Variants in NLGN1 observed in about 807,000 individuals in gnomAD.
The protein encoded by NLGN1 is neuroligin 1.
In NLGN1, 12 loss-of-function variants were observed where a neutral mutation model predicts 65.5. The observed-to-expected ratio is 0.18, with a 90% CI of 0.12 to 0.30. The LOEUF (loss-of-function observed/expected upper bound fraction) is 0.30, where lower values mean the gene tolerates loss of function less well. NLGN1 is among the 10% of genes least tolerant of loss of function. The pLI is 1.00. For synonymous variants in NLGN1, 350 were observed against 359.5 expected, an observed-to-expected ratio of 0.97 and a Z score of 0.30; for missense variants, 750 against 1,007.1, an observed-to-expected ratio of 0.74 and a Z score of 3.46.
chr3:173,947,072 T>TC (rs1369008323), intron 4 of NLGN1, among the ~76,000 whole-genome samples: 2 of 151,374 alleles, frequency 1.3e-5, no homozygotes, highest in East Asian at 3.9e-4. Context: ...TTTTTTTTTT[T>TC]TTTTTTGAGA....
intron 3 of NLGN1, among the ~76,000 whole-genome samples, chr3:173,690,431 T>C (rs932358647): frequency 3.9e-5 from 6 of 152,156 alleles, no homozygotes; most frequent in Non-Finnish European, 7.4e-5. Context: ...AAATAAGCTG[T>C]CAGCTCTTGC....
chr3:173,452,824 C>T (rs573002247), intron 2 of NLGN1, among the ~76,000 whole-genome samples: 74 of 152,298 alleles, frequency 4.9e-4, no homozygotes, highest in African/African-American at 1.7e-3. Context: ...GTGAATAACA[C>T]AGTAAAGTGA....
At chr3:173,936,309 T>C (rs1745071567) in intron 4 of NLGN1, among the ~76,000 whole-genome samples, 1 of 152,056 alleles carries the variant, frequency 6.6e-6, no homozygotes, top group Non-Finnish European at 1.5e-5. Context: ...CCTCCTACAC[T>C]TCTTCATAAG....
chr3:173,783,613 CA>C (rs1437806962), intron 3 of NLGN1, among the ~76,000 whole-genome samples: 1 of 152,088 alleles, frequency 6.6e-6, no homozygotes, highest in African/African-American at 2.4e-5. Context: ...GTTTTTCATT[CA>C]TTTGTTTTTT....
At chr3:173,804,983 G>A (rs1264961765) in intron 3 of NLGN1, among the ~76,000 whole-genome samples, 3 of 152,100 alleles carry the variant, frequency 2.0e-5, no homozygotes, top group Admixed American at 1.3e-4. Flanking sequence ...TTGAGATCAC[G>A]CCACTGCACT....
chr3:173,749,449 T>C (rs1471718995), intron 3 of NLGN1, among the ~76,000 whole-genome samples: 5 of 152,038 alleles, frequency 3.3e-5, no homozygotes, highest in East Asian at 1.9e-4. Flanking sequence ...ATAATAAGCA[T>C]TTTTTGTTTG....
At chr3:173,588,249 A>C (rs1011690978) in intron 2 of NLGN1, among the ~76,000 whole-genome samples, 15 of 152,208 alleles carry the variant, frequency 9.9e-5, no homozygotes, top group African/African-American at 3.4e-4. Flanking sequence ...TAACCATATA[A>C]TCCTGTGGGA....
At chr3:173,881,089 CTT>C (rs928288845) in intron 4 of NLGN1, among the ~76,000 whole-genome samples, 8 of 108,224 alleles carry the variant, frequency 7.4e-5, no homozygotes, top group African/African-American at 2.2e-4. Flanking sequence ...AGGCTCCCTC[CTT>C]TTTTTTTTTT....
intron 4 of NLGN1, among the ~76,000 whole-genome samples, chr3:173,879,130 G>A (rs958249762): frequency 1.3e-5 from 2 of 152,018 alleles, no homozygotes; most frequent in Non-Finnish European, 2.9e-5. Flanking sequence ...AGTACAGGCA[G>A]CTGAGATAGG....
At chr3:174,075,536 G>T (rs980617627) in intron 4 of NLGN1, among the ~76,000 whole-genome samples, 3 of 152,162 alleles carry the variant, frequency 2.0e-5, no homozygotes, top group Non-Finnish European at 4.4e-5. Flanking sequence ...CAACCTGACA[G>T]TACGACTTGC....
chr3:173,736,198 A>G (rs768167305), intron 3 of NLGN1, among the ~76,000 whole-genome samples: 12 of 152,064 alleles, frequency 7.9e-5, no homozygotes, highest in Non-Finnish European at 1.6e-4. Flanking sequence ...AATACAGTAT[A>G]TAGAAGTGAG....
At chr3:174,127,625 CT>C (rs1344342542) in intron 4 of NLGN1, among the ~76,000 whole-genome samples, 2 of 152,176 alleles carry the variant, frequency 1.3e-5, no homozygotes, top group Non-Finnish European at 2.9e-5. Flanking sequence ...AGAAACTCCT[CT>C]CCTGTCAAGG....
chr3:174,057,176 T>G (rs762540614), intron 4 of NLGN1, among the ~76,000 whole-genome samples: 1 of 151,996 alleles, frequency 6.6e-6, no homozygotes, highest in Non-Finnish European at 1.5e-5. Flanking sequence ...TAAATTGTAA[T>G]TAGAGGAGAA....
chr3:173,582,118 T>G lies in NLGN1; in HGVS notation c.-320-22161T>G, dbSNP rs1449789077. ...AAATATCATCATCCTATAAGCATCT[T>G]TCCGCAACATCCTTTGTTGTTGTTG... On this transcript the variant is annotated intron_variant, in intron 2 of 6. Transcript: ENST00000457714. Among the ~76,000 whole-genome samples the G allele has an allele frequency of 3.3e-5, 5 of 152,114 alleles. No individual in the cohort carries two copies. In the East Asian group the frequency reaches 9.6e-4, roughly 29 times the overall value.
chr3:173,498,854 T>G (rs1730497191), intron 2 of NLGN1, among the ~76,000 whole-genome samples: 1 of 151,898 alleles, frequency 6.6e-6, no homozygotes, highest in Non-Finnish European at 1.5e-5. Context: ...AATATCTTCT[T>G]TTGAGAAGTG....
At chr3:173,956,687 T>C (rs79819384) in intron 4 of NLGN1, among the ~76,000 whole-genome samples, 3,353 of 152,234 alleles carry the variant, frequency 0.022, 112 homozygotes, top group African/African-American at 0.072. Flanking sequence ...CTTTTATGTA[T>C]GGATATGATA....
At chr3:173,604,509 G>A (rs1751053207) in exon 3 of NLGN1, 5 of 1,385,936 alleles carry the variant, frequency 3.6e-6, no homozygotes, top group Non-Finnish European at 5.0e-6. Context: ...GAAATCGGAG[G>A]TATATTCTAC....
At chr3:173,659,408 C>T (rs925893409) in intron 3 of NLGN1, among the ~76,000 whole-genome samples, 1 of 151,912 alleles carries the variant, frequency 6.6e-6, no homozygotes, top group Non-Finnish European at 1.5e-5. Context: ...AAGTGTCCAA[C>T]TCTTTGTGAC....
At chr3:173,984,911 G>A (rs933197824) in intron 4 of NLGN1, among the ~76,000 whole-genome samples, 33 of 152,080 alleles carry the variant, frequency 2.2e-4, no homozygotes, top group African/African-American at 4.8e-4. Flanking sequence ...GTGTGGTGGC[G>A]TGTGCCTGTA....
Sources: gnomAD v4.1 joint callset for allele counts (sites outside exome capture counted in the v4.1 genomes callset) on GRCh38, gnomAD v4.1.1 for gene constraint, MANE v1.5 for transcripts, NCBI Gene and HGNC (gene_info 2026-07-23, HGNC 2026-07-21) for gene names.